The following PPP1R12B variants were observed in gnomAD, a reference collection of about 807,000 sequenced individuals.
PPP1R12B encodes the protein myosin phosphatase target subunit 2.
PPP1R12B carries 76 observed loss-of-function variants against 126.1 expected under a neutral mutation model. The observed-to-expected ratio is 0.60, with a 90% CI of 0.50 to 0.73. The LOEUF (loss-of-function observed/expected upper bound fraction) is 0.73. PPP1R12B is among the 30% of genes least tolerant of loss of function. PPP1R12B has a pLI of 0.00. For synonymous variants in PPP1R12B, 356 were observed against 434.7 expected (o/e 0.82, Z 2.25); for missense variants, 1,052 against 1,205.1 (o/e 0.87, Z 1.88).
At chr1:202,548,808 C>CTCTATATATATA (rs1218548068) in intron 18 of PPP1R12B, among the ~76,000 whole-genome samples, 5 of 72,990 alleles carry the variant, frequency 6.9e-5, no homozygotes, top group Non-Finnish European at 1.4e-4. Flanking sequence ...CTCTCTCTCT[C>CTCTATATATATA]TATATATATA....
chr1:202,417,748 G>T (rs1237472558), intron 2 of PPP1R12B, among the ~76,000 whole-genome samples: 1 of 152,156 alleles, frequency 6.6e-6, no homozygotes, highest in Non-Finnish European at 1.5e-5. Flanking sequence ...GATTGCTTGT[G>T]TGAAGGCCCT....
In PPP1R12B at chr1:202,590,867, A is replaced by C. The variant is rs1690083443; in HGVS notation, c.*10307A>C. 1 of 152,098 alleles carries C rather than the reference A, an allele frequency of 6.6e-6. No individual in the cohort carries two copies. Among genetic ancestry groups the C allele is most frequent in the South Asian group, 2.1e-4 (1 of 4,818 alleles). 9.4% of individuals were successfully genotyped at this position (152,098 alleles called of 1,614,324 possible). ...GCCCCAGGGTTTTCAGAAAGCAGCA[A>C]ATCAAGTCCTTAGATGGGCAGGAGT... On this transcript the variant is annotated 3_prime_UTR_variant, in exon 24 of 24. Transcript: ENST00000608999.
intron 1 of PPP1R12B, among the ~76,000 whole-genome samples, chr1:202,410,601 A>G (rs1667259389): frequency 6.6e-6 from 1 of 152,218 alleles, no homozygotes; most frequent in South Asian, 2.1e-4. Context: ...ACTGATTGAT[A>G]TCAGCCACTT....
intron 8 of PPP1R12B, among the ~76,000 whole-genome samples, chr1:202,434,034 A>G (rs1393982895): frequency 6.6e-6 from 1 of 152,252 alleles, no homozygotes; most frequent in African/African-American, 2.4e-5. Context: ...AGTGTAGTCA[A>G]TAGGATTCAC....
intron 1 of PPP1R12B, among the ~76,000 whole-genome samples, chr1:202,401,027 T>A (rs540442486): frequency 6.6e-6 from 1 of 152,230 alleles, no homozygotes; most frequent in Admixed American, 6.5e-5. Context: ...GTGCAACTTA[T>A]GTGAAATTCA....
chr1:202,495,321 C>T lies in PPP1R12B; in HGVS notation c.2174C>T (p.Ala725Val), dbSNP rs764184578. The T allele has an allele frequency of 1.9e-6, 3 of 1,579,774 alleles. No individual in the cohort carries two copies. The Admixed American group carries it at 5.5e-5, about 29-fold the overall frequency. The change falls in exon 16 of 24, where the codon GCT becomes GTT. Residue 725 changes from alanine to valine, a missense_variant. Coordinates refer to ENST00000608999, the MANE Select transcript of PPP1R12B (RefSeq NM_002481.4). ...ATCTGTCATCGCCTGAGGTGCCCAGCTCAGCCAGACAAACCCACCACGCCA... is the reference window on the plus strand; with the variant it reads ...ATCTGTCATCGCCTGAGGTGCCCAGTTCAGCCAGACAAACCCACCACGCCA... ...EPICHRLRCP[A>V]QPDKPTTPAS...
intron 10 of PPP1R12B, chr1:202,439,538 G>A (rs774159559): frequency 7.2e-5 from 109 of 1,519,388 alleles, no homozygotes; most frequent in Middle Eastern, 2.0e-4. Context: ...GGGGTGTGGC[G>A]CTCTCTGTGG....
intron 18 of PPP1R12B, among the ~76,000 whole-genome samples, chr1:202,505,579 T>C (rs1276240589): frequency 6.6e-6 from 1 of 152,198 alleles, no homozygotes; most frequent in Non-Finnish European, 1.5e-5. Flanking sequence ...CCTAAGTCTG[T>C]TTTGTTTTCC....
intron 13 of PPP1R12B, among the ~76,000 whole-genome samples, chr1:202,464,280 A>C (rs1434078129): frequency 1.3e-5 from 2 of 152,212 alleles, no homozygotes; most frequent in African/African-American, 4.8e-5. Flanking sequence ...AGCCTAATAC[A>C]TAGTAGATGA....
In PPP1R12B at chr1:202,442,534, A is replaced by G. The variant is rs139981497; in HGVS notation, c.1629A>G (p.Thr543=). 6 of 1,613,674 alleles carry G rather than the reference A, an allele frequency of 3.7e-6. No individual in the cohort carries two copies. Among genetic ancestry groups the G allele is most frequent in the Non-Finnish European group, 4.2e-6 (5 of 1,179,870 alleles). ...CAAAAGGAAATGAAATCCCACAGACAATTGCTCCCTCCACCTATGTATCAA... is the reference window on the plus strand; with the variant it reads ...CAAAAGGAAATGAAATCCCACAGACGATTGCTCCCTCCACCTATGTATCAA... ...DEAKGNEIPQ[T]IAPSTYVSTY... Residue 543 remains threonine, a synonymous_variant, in exon 12 of 24, where the codon ACA becomes ACG. Transcript: ENST00000608999.
chr1:202,547,765 AGGGAAG>A (rs1244022263), intron 18 of PPP1R12B, among the ~76,000 whole-genome samples: 2 of 151,978 alleles, frequency 1.3e-5, no homozygotes, highest in Non-Finnish European at 2.9e-5. Context: ...TAGATTAGAA[AGGGAAG>A]TAGGAATTAG....
intron 13 of PPP1R12B, 66 bp from the exon 14 acceptor site, chr1:202,488,467 C>T: frequency 8.0e-7 from 1 of 1,254,906 alleles, no homozygotes; most frequent in East Asian, 2.5e-5. Flanking sequence ...TGTGGAAACA[C>T]TTTGTCATTC....
chr1:202,549,304 A>G (rs1027207034), intron 18 of PPP1R12B, among the ~76,000 whole-genome samples: 2 of 151,812 alleles, frequency 1.3e-5, no homozygotes, highest in African/African-American at 2.4e-5. Flanking sequence ...TGTTCCTTCC[A>G]TTATCACCTT....
At position 202,387,037 on chromosome 1, in the gene PPP1R12B, A is replaced by G. The variant is rs546355150; in HGVS notation, c.292-29750A>G. Among the ~76,000 whole-genome samples, 5 of 152,300 alleles carry G rather than the reference A, an allele frequency of 3.3e-5. No individual in the cohort carries two copies. The East Asian group carries it at 7.7e-4, about 24-fold the overall frequency. On this transcript the variant is annotated intron_variant, in intron 1 of 23. Coordinates refer to ENST00000608999, the MANE Select transcript of PPP1R12B (RefSeq NM_002481.4). ...GTCTAGTGACTAAGAAGATGCAACTATTGATGTTTATATTTGCATGCAGTT... is the reference window on the plus strand; with the variant it reads ...GTCTAGTGACTAAGAAGATGCAACTGTTGATGTTTATATTTGCATGCAGTT...
At chr1:202,400,126 T>A (rs1665614964) in intron 1 of PPP1R12B, among the ~76,000 whole-genome samples, 1 of 152,196 alleles carries the variant, frequency 6.6e-6, no homozygotes, top group Non-Finnish European at 1.5e-5. Context: ...TGTTTTCTGT[T>A]CCTGTGTTAA....
intron 13 of PPP1R12B, chr1:202,472,028 G>A (rs1675980339): frequency 1.3e-6 from 2 of 1,594,566 alleles, no homozygotes; most frequent in Non-Finnish European, 1.7e-6. Context: ...CCATGAAGTA[G>A]GAATTGGGGC....
intron 13 of PPP1R12B, among the ~76,000 whole-genome samples, chr1:202,479,031 G>C (rs1279884779): frequency 6.6e-6 from 1 of 152,180 alleles, no homozygotes; most frequent in Non-Finnish European, 1.5e-5. Flanking sequence ...AGGTTTGCTG[G>C]TAATCTAGAC....
Position 202,479,172 on chromosome 1 carries a change from T to C in PPP1R12B, c.1851-9361T>C, listed in dbSNP as rs1023414222. Among the ~76,000 whole-genome samples the C allele has an allele frequency of 2.6e-5, 4 of 152,170 alleles. No individual in the cohort carries two copies. The South Asian group carries it at 6.2e-4, about 24-fold the overall frequency. ...GGAAATATGCAAACCTACCAAACTA[T>C]AGCATATTGACACACGTATTGGAAT... is the stretch of plus-strand genomic sequence containing the variant. On this transcript the variant is annotated intron_variant, in intron 13 of 23. Coordinates refer to ENST00000608999, the MANE Select transcript of PPP1R12B (RefSeq NM_002481.4).
At chr1:202,442,697 G>T in intron 12 of PPP1R12B, 125 bp downstream of exon 12, 2 of 1,077,178 alleles carry the variant, frequency 1.9e-6, no homozygotes, top group Non-Finnish European at 2.5e-6. Context: ...TTACTTTCAG[G>T]TTTCTTAGAA....
Sources: gnomAD v4.1 joint callset for allele counts (sites outside exome capture counted in the v4.1 genomes callset) on GRCh38, gnomAD v4.1.1 for gene constraint, MANE v1.5 for transcripts, NCBI Gene and HGNC (gene_info 2026-07-23, HGNC 2026-07-21) for gene names.